Variants in SPATA31H1 observed in about 807,000 individuals in gnomAD.
The protein encoded by SPATA31H1 is spermatogenesis-associated protein 31H1.
the SPATA31H1 span, among the ~76,000 whole-genome samples, chr2:27,560,221 T>G: frequency 1.3e-5 from 2 of 152,164 alleles, no homozygotes; most frequent in African/African-American, 4.8e-5. Flanking sequence ...CTCTGAAAAT[T>G]CCAATACCTG....
the SPATA31H1 span, chr2:27,567,662 T>C: frequency 2.5e-6 from 1 of 400,920 alleles, no homozygotes; most frequent in Non-Finnish European, 4.4e-6. Context: ...TAGAACTTAA[T>C]GTAATTCAAG....
the SPATA31H1 span, chr2:27,567,350 A>G: frequency 5.7e-6 from 3 of 528,630 alleles, no homozygotes; most frequent in Non-Finnish European, 6.7e-6. Flanking sequence ...TGAGGAAATC[A>G]TGGGCAATGC....
chr2:27,566,820 G>T, the SPATA31H1 span: 1 of 717,850 alleles, frequency 1.4e-6, no homozygotes, highest in Admixed American at 2.0e-5. Context: ...TCAGAAGACT[G>T]TTCTATGCTG....
chr2:27,572,830 G>A, the SPATA31H1 span: 1 of 397,968 alleles, frequency 2.5e-6, no homozygotes, highest in South Asian at 1.3e-4. Context: ...AAACTTCAAA[G>A]TGTAACATCT....
the SPATA31H1 span, among the ~76,000 whole-genome samples, chr2:27,548,529 G>A: frequency 6.0e-5 from 9 of 150,086 alleles, 1 homozygote; most frequent in African/African-American, 2.2e-4. Flanking sequence ...GGTCACTTGA[G>A]CCTCGGGGGA....
At chr2:27,565,196 T>A in the SPATA31H1 span, 4 of 606,746 alleles carry the variant, frequency 6.6e-6, no homozygotes, top group Admixed American at 2.9e-5. Context: ...CATTTACATG[T>A]GGTTATGGAT....
chr2:27,543,365 C>G, the SPATA31H1 span, among the ~76,000 whole-genome samples: 1 of 151,950 alleles, frequency 6.6e-6, no homozygotes, highest in African/African-American at 2.4e-5. Context: ...ATTTTAACAT[C>G]ATGTTTAAGA....
the SPATA31H1 span, chr2:27,568,537 A>G: frequency 2.5e-6 from 1 of 399,048 alleles, no homozygotes; most frequent in Non-Finnish European, 4.4e-6. Flanking sequence ...GCACAGCCAC[A>G]TGTTATAGAA....
chr2:27,580,434 T>C, the SPATA31H1 span: 5 of 1,613,960 alleles, frequency 3.1e-6, no homozygotes, highest in African/African-American at 5.3e-5. Flanking sequence ...TGATTCAAAA[T>C]ATCCAATGAA....
the SPATA31H1 span, chr2:27,580,552 T>C: frequency 1.2e-6 from 2 of 1,614,140 alleles, no homozygotes; most frequent in Non-Finnish European, 8.5e-7. Context: ...AGGAAGAGGA[T>C]TGGAGCAACT....
the SPATA31H1 span, chr2:27,575,018 G>A: frequency 3.6e-4 from 144 of 398,426 alleles, no homozygotes; most frequent in Admixed American, 1.9e-3. The surrounding 1 kb of genome is among the most constrained non-coding windows in gnomAD (Gnocchi z 4.1). Context: ...GGACATCTTT[G>A]GAGTTAAGCT....
chr2:27,546,440 G>A, the SPATA31H1 span, among the ~76,000 whole-genome samples: 1 of 151,912 alleles, frequency 6.6e-6, no homozygotes, highest in Non-Finnish European at 1.5e-5. Flanking sequence ...AGTAGGGCAG[G>A]AACTAGGATA....
chr2:27,541,281 G>C, the SPATA31H1 span, among the ~76,000 whole-genome samples: 2 of 151,772 alleles, frequency 1.3e-5, no homozygotes, highest in African/African-American at 2.4e-5. Flanking sequence ...TGCAATCGCA[G>C]GCACTCGGCA....
the SPATA31H1 span, among the ~76,000 whole-genome samples, chr2:27,540,491 C>T: frequency 1.5e-5 from 2 of 129,472 alleles, no homozygotes; most frequent in South Asian, 2.8e-4. Context: ...GAGCCCCTCA[C>T]CTCCCGGACG....
At chr2:27,546,012 C>A in the SPATA31H1 span, among the ~76,000 whole-genome samples, 1 of 151,940 alleles carries the variant, frequency 6.6e-6, no homozygotes, top group Admixed American at 6.5e-5. Context: ...CTGTTCAAGT[C>A]TTTTGCATAT....
At chr2:27,543,638 G>C in the SPATA31H1 span, among the ~76,000 whole-genome samples, 1 of 151,700 alleles carries the variant, frequency 6.6e-6, no homozygotes, top group African/African-American at 2.4e-5. Context: ...ATCCAGAGTA[G>C]AAGTGAGTCA....
At chr2:27,545,579 C>CTTTTTTTT in the SPATA31H1 span, among the ~76,000 whole-genome samples, 2 of 141,300 alleles carry the variant, frequency 1.4e-5, no homozygotes, top group African/African-American at 2.7e-5. Flanking sequence ...TTTCCTTTTT[C>CTTTTTTTT]TTTTTTTTTT....
chr2:27,566,148 T>C, the SPATA31H1 span: 1 of 717,156 alleles, frequency 1.4e-6, no homozygotes, highest in Non-Finnish European at 2.6e-6. Flanking sequence ...TCTGTGAAAG[T>C]TAGACGTAAA....
the SPATA31H1 span, chr2:27,573,978 T>C: frequency 2.5e-6 from 1 of 398,396 alleles, no homozygotes; most frequent in Middle Eastern, 6.2e-4. Flanking sequence ...ATCTTCTAAG[T>C]TGAACCCTAA....
Sources: gnomAD v4.1 joint callset for allele counts (sites outside exome capture counted in the v4.1 genomes callset) on GRCh38, gnomAD v4.1.1 for gene constraint, Gnocchi (gnomAD v3.1) non-coding constraint, MANE v1.5 for transcripts, NCBI Gene and HGNC (gene_info 2026-07-23, HGNC 2026-07-21) for gene names.